The following TSPAN5 variants were observed in gnomAD, a reference collection of about 807,000 sequenced individuals.
The protein encoded by TSPAN5 is tetraspanin-5.
A neutral mutation model predicts 37.1 loss-of-function variants in TSPAN5; 10 were observed. The observed-to-expected ratio is 0.27, with a 90% CI of 0.17 to 0.46. The LOEUF is 0.46. Among genes scored for constraint, TSPAN5 ranks in the 20% least tolerant of loss-of-function variants. TSPAN5 has a pLI of 1.00. For synonymous variants in TSPAN5, 110 were observed against 118.9 expected (o/e 0.93, Z 0.48); for missense variants, 195 against 326.6 (o/e 0.60, Z 3.11).
chr4:98,631,363 A>G (rs1269229890), intron 1 of TSPAN5, among the ~76,000 whole-genome samples: 1 of 152,108 alleles, frequency 6.6e-6, no homozygotes, highest in Non-Finnish European at 1.5e-5. Flanking sequence ...GTTCACCCCA[A>G]TATCTGGGAA....
chr4:98,591,959 GATTT>G (rs1385885167), intron 1 of TSPAN5, among the ~76,000 whole-genome samples: 2 of 151,292 alleles, frequency 1.3e-5, no homozygotes, highest in Non-Finnish European at 3.0e-5. Context: ...CTTATTTAAA[GATTT>G]ATTATAATGC....
chr4:98,535,866 G>GT (rs1319804035), intron 1 of TSPAN5, among the ~76,000 whole-genome samples: 1 of 152,066 alleles, frequency 6.6e-6, no homozygotes, highest in South Asian at 2.1e-4. Context: ...TTCTTGTGCT[G>GT]TTTTTTCAGT....
At chr4:98,473,451 C>CT (rs1214653688) in intron 7 of TSPAN5, among the ~76,000 whole-genome samples, 32 of 146,060 alleles carry the variant, frequency 2.2e-4, no homozygotes, top group African/African-American at 7.6e-4. Context: ...GCTTATTAGC[C>CT]ATTTTTTTTT....
At chr4:98,568,739 T>C (rs949238474) in intron 1 of TSPAN5, among the ~76,000 whole-genome samples, 1 of 152,158 alleles carries the variant, frequency 6.6e-6, no homozygotes, top group African/African-American at 2.4e-5. Flanking sequence ...ATACTGCTCT[T>C]AGAGTTAAAC....
chr4:98,548,205 CA>C (rs1263689895), intron 1 of TSPAN5, among the ~76,000 whole-genome samples: 2 of 151,898 alleles, frequency 1.3e-5, no homozygotes, highest in Non-Finnish European at 2.9e-5. Context: ...ACATTCATGG[CA>C]AAAAATTAGT....
intron 1 of TSPAN5, among the ~76,000 whole-genome samples, chr4:98,512,233 G>A (rs566425835): frequency 6.6e-6 from 1 of 151,796 alleles, no homozygotes; most frequent in Non-Finnish European, 1.5e-5. Flanking sequence ...AAAAAAAAAA[G>A]AAATTTTAAG....
chr4:98,624,254 G>A (rs1756542285), intron 1 of TSPAN5, among the ~76,000 whole-genome samples: 1 of 151,324 alleles, frequency 6.6e-6, no homozygotes, highest in Non-Finnish European at 1.5e-5. Flanking sequence ...ACACAGAATT[G>A]AAATACAAAC....
At chr4:98,652,212 G>A (rs1757206137) in intron 1 of TSPAN5, among the ~76,000 whole-genome samples, 1 of 152,086 alleles carries the variant, frequency 6.6e-6, no homozygotes, top group Non-Finnish European at 1.5e-5. Context: ...AAGACACTGG[G>A]CTTATGAAAG....
intron 1 of TSPAN5, among the ~76,000 whole-genome samples, chr4:98,516,562 T>G (rs1048142419): frequency 2.6e-5 from 4 of 152,234 alleles, no homozygotes; most frequent in Non-Finnish European, 2.9e-5. Flanking sequence ...TTCTGTTACA[T>G]GCAGCCAAAA....
intron 1 of TSPAN5, among the ~76,000 whole-genome samples, chr4:98,533,992 A>G (rs1389130166): frequency 1.8e-5 from 2 of 108,190 alleles, no homozygotes; most frequent in East Asian, 5.6e-4. Context: ...ATTTTTTTGA[A>G]GAGTTTTTCG....
intron 1 of TSPAN5, among the ~76,000 whole-genome samples, chr4:98,530,073 G>T (rs535265166): frequency 6.6e-6 from 1 of 152,198 alleles, no homozygotes; most frequent in African/African-American, 2.4e-5. Flanking sequence ...GCACCTGGCA[G>T]GAAAAAGATG....
chr4:98,549,292 G>GGTTT (rs1560532920), intron 1 of TSPAN5, among the ~76,000 whole-genome samples: 2 of 147,114 alleles, frequency 1.4e-5, no homozygotes, highest in African/African-American at 5.2e-5. Flanking sequence ...TTGTTTGTTT[G>GGTTT]TTTGTTTTTG....
At chr4:98,487,711 G>T (rs1312748668) in intron 2 of TSPAN5, among the ~76,000 whole-genome samples, 2 of 152,030 alleles carry the variant, frequency 1.3e-5, no homozygotes, top group African/African-American at 4.8e-5. Context: ...TACCCCCTTC[G>T]AGTTGAAATT....
At chr4:98,495,225 A>C (rs1753174520) in intron 2 of TSPAN5, among the ~76,000 whole-genome samples, 1 of 152,146 alleles carries the variant, frequency 6.6e-6, no homozygotes. Context: ...TGTCTCAGTA[A>C]GAATGTGAAA....
intron 1 of TSPAN5, among the ~76,000 whole-genome samples, chr4:98,584,655 T>C (rs939498150): frequency 2.0e-5 from 3 of 152,240 alleles, no homozygotes; most frequent in Non-Finnish European, 4.4e-5. Flanking sequence ...TAAAAGTCTC[T>C]TTATAAAGAC....
chr4:98,515,701 G>A (rs1252877179), intron 1 of TSPAN5, among the ~76,000 whole-genome samples: 3 of 152,158 alleles, frequency 2.0e-5, no homozygotes, highest in Non-Finnish European at 4.4e-5. Context: ...CTCACAGGAA[G>A]TGGCAGCATC....
At chr4:98,650,606 G>A (rs577606189) in intron 1 of TSPAN5, among the ~76,000 whole-genome samples, 17 of 152,308 alleles carry the variant, frequency 1.1e-4, no homozygotes, top group African/African-American at 4.1e-4. Flanking sequence ...TAAACTCATG[G>A]TTTTAAAAGT....
intron 1 of TSPAN5, among the ~76,000 whole-genome samples, chr4:98,586,171 CA>C (rs1397009036): frequency 2.6e-5 from 4 of 152,194 alleles, no homozygotes; most frequent in Non-Finnish European, 4.4e-5. Context: ...TCTTTAAAAG[CA>C]GACTGAAGTT....
intron 1 of TSPAN5, among the ~76,000 whole-genome samples, chr4:98,574,176 C>T (rs751843319): frequency 1.3e-5 from 2 of 152,084 alleles, no homozygotes; most frequent in Non-Finnish European, 2.9e-5. Context: ...CAAGTTAACC[C>T]GTTACCAAAA....
Sources: gnomAD v4.1 joint callset for allele counts (sites outside exome capture counted in the v4.1 genomes callset) on GRCh38, gnomAD v4.1.1 for gene constraint, MANE v1.5 for transcripts, NCBI Gene and HGNC (gene_info 2026-07-23, HGNC 2026-07-21) for gene names.